The following BTAF1 variants were observed in gnomAD, a reference collection of about 807,000 sequenced individuals.
BTAF1 encodes TATA-binding protein-associated factor 172.
Under a neutral mutation model 227.1 loss-of-function variants are expected in BTAF1, and 38 were observed. That is an observed-to-expected ratio of 0.17 (90% CI 0.13 to 0.22). The LOEUF (loss-of-function observed/expected upper bound fraction) is 0.22, where lower values mean the gene tolerates loss of function less well. BTAF1 is among the 10% of genes least tolerant of loss of function. The probability of loss-of-function intolerance (pLI) is 1.00; values close to 1 mark genes in which losing one functional copy is unlikely to be tolerated. For synonymous variants in BTAF1, 742 were observed against 751.9 expected, an observed-to-expected ratio of 0.99 and a Z score of 0.21; for missense variants, 1,598 against 2,204.0, an observed-to-expected ratio of 0.73 and a Z score of 5.51.
In BTAF1 at chr10:91,982,567, T is replaced by C. The variant is rs759862280; in HGVS notation, c.2049-20T>C. The C allele has an allele frequency of 3.8e-6, 6 of 1,578,064 alleles. No homozygotes were observed. The South Asian group carries it at 5.8e-5, about 15-fold the overall frequency. ...ACTTCAAGTAATTTCTTATAGTAAC[T>C]TCCTTTTTCTCCCTCTTAGGTTGTT... is the stretch of plus-strand genomic sequence containing the variant. On this transcript the variant is annotated intron_variant, in intron 17 of 37. Transcript: ENST00000265990.
At chr10:91,941,889 T>A (rs1390215913) in intron 3 of BTAF1, among the ~76,000 whole-genome samples, 1 of 152,236 alleles carries the variant, frequency 6.6e-6, no homozygotes, top group African/African-American at 2.4e-5. Context: ...TGATGGTCTG[T>A]GGAAAAGGAA....
chr10:91,976,894 TAAAC>T (rs1847737250), intron 14 of BTAF1, among the ~76,000 whole-genome samples: 2 of 152,110 alleles, frequency 1.3e-5, no homozygotes, highest in Non-Finnish European at 2.9e-5. Context: ...GACAAATAAT[TAAAC>T]AAGAATAACT....
At chr10:91,933,871 T>C (rs769286341) in intron 1 of BTAF1, among the ~76,000 whole-genome samples, 6 of 152,200 alleles carry the variant, frequency 3.9e-5, no homozygotes, top group Non-Finnish European at 8.8e-5. Context: ...AATGGATTAG[T>C]AACACTGATT....
intron 34 of BTAF1, among the ~76,000 whole-genome samples, chr10:92,023,542 G>T (rs1285400533): frequency 2.0e-5 from 3 of 152,036 alleles, no homozygotes; most frequent in Non-Finnish European, 4.4e-5. Flanking sequence ...AAATTCACTG[G>T]GCGTGATGGC....
intron 5 of BTAF1, among the ~76,000 whole-genome samples, chr10:91,953,283 G>A (rs1004556800): frequency 1.6e-4 from 25 of 152,226 alleles, no homozygotes; most frequent in African/African-American, 5.8e-4. Context: ...TAAGAGGAAA[G>A]GGGCATATGA....
chr10:91,960,953 T>C (rs1456658455), intron 11 of BTAF1, among the ~76,000 whole-genome samples: 2 of 152,224 alleles, frequency 1.3e-5, no homozygotes, highest in Non-Finnish European at 2.9e-5. Context: ...TAAAGTCCTT[T>C]ACTAAACTAA....
intron 4 of BTAF1, among the ~76,000 whole-genome samples, chr10:91,943,547 A>G (rs1346990580): frequency 4.6e-5 from 7 of 152,320 alleles, no homozygotes; most frequent in African/African-American, 9.6e-5. Flanking sequence ...GCTTATTAAT[A>G]TATTCACTTT....
intron 13 of BTAF1, among the ~76,000 whole-genome samples, 157 bp from the exon 14 acceptor site, chr10:91,966,480 G>C (rs185498275): frequency 6.6e-6 from 1 of 152,092 alleles, no homozygotes. Flanking sequence ...ATTGTTACAT[G>C]AATGTTCATA....
At position 92,010,986 on chromosome 10, in the gene BTAF1, G is replaced by T. The variant is rs529422024; in HGVS notation, c.4104-87G>T. The T allele has an allele frequency of 4.0e-5, 37 of 930,336 alleles. No individual in the cohort carries two copies. The Admixed American group carries it at 7.8e-4, about 20-fold the overall frequency. 57.6% of individuals were successfully genotyped at this position (930,336 alleles called of 1,614,324 possible). On this transcript the variant is annotated intron_variant, in intron 28 of 37. Coordinates refer to ENST00000265990, the MANE Select transcript of BTAF1 (RefSeq NM_003972.3). ...CAGAAGGGAATGCTGGGCTTAGTGG[G>T]CAGATTGAAAGCACTTTATACAAAT...
chr10:91,984,166 T>TA (rs754527530), intron 18 of BTAF1, 35 bp from the exon 19 acceptor site: 1 of 1,576,042 alleles, frequency 6.3e-7, no homozygotes, highest in East Asian at 2.2e-5. Context: ...TTAATGTTCA[T>TA]ACAGTTACCC....
intron 33 of BTAF1, 127 bp from the exon 34 acceptor site, chr10:92,018,656 T>G: frequency 2.5e-6 from 2 of 796,694 alleles, no homozygotes; most frequent in Non-Finnish European, 1.8e-6. Flanking sequence ...AGTAGAAGTT[T>G]GCCGAGCAAG....
intron 19 of BTAF1, among the ~76,000 whole-genome samples, chr10:91,988,592 GT>G (rs1183270249): frequency 6.6e-6 from 1 of 152,120 alleles, no homozygotes; most frequent in Non-Finnish European, 1.5e-5. Flanking sequence ...GCACCATTTT[GT>G]TCTGTTCTGT....
In BTAF1 at chr10:91,997,595, T is replaced by C; in HGVS notation, c.3512-8T>C. On this transcript the variant is annotated splice_region_variant and splice_polypyrimidine_tract_variant and intron_variant, in intron 24 of 37. Coordinates refer to ENST00000265990, the MANE Select transcript of BTAF1 (RefSeq NM_003972.3). ...ACCATTTCAAAATTTCCTTAATCAC[T>C]TACTCAGGTGTAATGGAACAACTAG... 3 of 1,611,436 alleles carry C rather than the reference T, an allele frequency of 1.9e-6. No homozygotes were observed. Among genetic ancestry groups the C allele is most frequent in the Non-Finnish European group, 2.5e-6 (3 of 1,178,454 alleles).
At chr10:91,931,547 C>G (rs1459386021) in intron 1 of BTAF1, among the ~76,000 whole-genome samples, 1 of 152,090 alleles carries the variant, frequency 6.6e-6, no homozygotes, top group Non-Finnish European at 1.5e-5. Flanking sequence ...CTCAGTCAGC[C>G]CTCCTTTTAA....
chr10:92,016,114 C>T (rs1006595864), intron 32 of BTAF1, among the ~76,000 whole-genome samples: 2 of 151,904 alleles, frequency 1.3e-5, no homozygotes, highest in African/African-American at 4.8e-5. Context: ...TTTTGGCAGC[C>T]GAACTTAATG....
At chr10:91,957,086 C>T (rs1386602972) in intron 7 of BTAF1, 139 bp from the exon 8 acceptor site, 5 of 535,488 alleles carry the variant, frequency 9.3e-6, no homozygotes, top group Non-Finnish European at 1.6e-5. Context: ...AAAAATATAT[C>T]TTAATTAGTT....
chr10:92,008,019 AT>A, intron 25 of BTAF1, 103 bp from the exon 26 acceptor site: 1 of 1,111,710 alleles, frequency 9.0e-7, no homozygotes. Context: ...TCTTTGTACA[AT>A]TTTCAGAATT....
chr10:91,996,686 A>C (rs549150423), intron 24 of BTAF1, 116 bp downstream of exon 24: 1 of 912,190 alleles, frequency 1.1e-6, no homozygotes, highest in African/African-American at 1.7e-5. Flanking sequence ...TGTTCCAAAA[A>C]ATACCTATTC....
chr10:91,968,821 G>A (rs972836827), intron 14 of BTAF1, among the ~76,000 whole-genome samples: 3 of 151,718 alleles, frequency 2.0e-5, no homozygotes, highest in African/African-American at 7.3e-5. Context: ...ATGTTTATTC[G>A]CCATCTACCT....
Sources: allele counts gnomAD v4.1 joint callset (sites outside exome capture counted in the v4.1 genomes callset), GRCh38; gene constraint gnomAD v4.1.1; transcripts MANE v1.5; gene names NCBI Gene and HGNC (gene_info 2026-07-23, HGNC 2026-07-21).